GRID2: variants seen among roughly 807,000 people sequenced by gnomAD.
GRID2 encodes the protein glutamate ionotropic receptor delta type subunit 2, also known as glutamate receptor ionotropic, delta-2.
Under a neutral mutation model 114.8 loss-of-function variants are expected in GRID2, and 33 were observed. The ratio of observed to expected loss-of-function variants is 0.29; its 90% CI spans 0.22 to 0.38. GRID2 has a LOEUF of 0.38. GRID2 is among the 10% of genes least tolerant of loss of function. GRID2 has a pLI of 1.00. For missense variants in GRID2, 1,184 were observed against 1,257.7 expected (o/e 0.94, Z 0.89); for synonymous variants, 505 against 449.9 (o/e 1.12, Z -1.55).
At chr4:93,699,647 G>C (rs1172800530) in intron 14 of GRID2, among the ~76,000 whole-genome samples, 2 of 152,116 alleles carry the variant, frequency 1.3e-5, no homozygotes, top group Non-Finnish European at 2.9e-5. Flanking sequence ...TTATAGTTCT[G>C]TCTTCAGTTG....
intron 1 of GRID2, among the ~76,000 whole-genome samples, chr4:92,506,049 T>C (rs1443733008): frequency 2.0e-5 from 3 of 152,000 alleles, no homozygotes; most frequent in African/African-American, 7.2e-5. Flanking sequence ...TGAAAATGTA[T>C]ATATTGAATT....
At chr4:93,680,102 G>A in intron 14 of GRID2, among the ~76,000 whole-genome samples, 1 of 148,506 alleles carries the variant, frequency 6.7e-6, no homozygotes, top group East Asian at 1.9e-4. Flanking sequence ...GGATATCACT[G>A]CCAATCCCAC....
intron 2 of GRID2, among the ~76,000 whole-genome samples, chr4:92,704,052 A>T (rs938695396): frequency 6.6e-6 from 1 of 152,014 alleles, no homozygotes; most frequent in Non-Finnish European, 1.5e-5. Flanking sequence ...CAAGGCGGAT[A>T]GATCACGAGG....
intron 13 of GRID2, among the ~76,000 whole-genome samples, chr4:93,532,655 A>G (rs907472211): frequency 1.4e-4 from 21 of 152,164 alleles, no homozygotes; most frequent in African/African-American, 4.8e-4. Context: ...GCACCATGTT[A>G]ACACAAATAC....
chr4:93,018,401 AT>A (rs1285675897), intron 2 of GRID2, among the ~76,000 whole-genome samples: 1 of 152,134 alleles, frequency 6.6e-6, no homozygotes, highest in African/African-American at 2.4e-5. Flanking sequence ...ACTAGCTAAT[AT>A]CAGCTTGTTT....
intron 4 of GRID2, among the ~76,000 whole-genome samples, chr4:93,112,708 G>A (rs1162407397): frequency 6.6e-6 from 1 of 152,204 alleles, no homozygotes; most frequent in Non-Finnish European, 1.5e-5. Context: ...GCATCTCACA[G>A]TTCTGGAGGC....
chr4:92,863,075 C>G (rs1392445743), intron 2 of GRID2, among the ~76,000 whole-genome samples: 1 of 152,094 alleles, frequency 6.6e-6, no homozygotes, highest in East Asian at 1.9e-4. Context: ...AATAGTAAAT[C>G]TTAGAAACTG....
intron 1 of GRID2, among the ~76,000 whole-genome samples, chr4:92,438,829 C>T (rs1264258434): frequency 6.6e-6 from 1 of 152,112 alleles, no homozygotes; most frequent in Non-Finnish European, 1.5e-5. Context: ...ACCAATGTCC[C>T]CTGTGCATCT....
At chr4:92,708,883 G>A (rs940981585) in intron 2 of GRID2, among the ~76,000 whole-genome samples, 2 of 152,092 alleles carry the variant, frequency 1.3e-5, no homozygotes, top group African/African-American at 4.8e-5. Flanking sequence ...CACCATTGCA[G>A]TCTAGCCTCG....
intron 8 of GRID2, among the ~76,000 whole-genome samples, chr4:93,300,412 TA>T (rs1373358779): frequency 1.3e-5 from 2 of 152,198 alleles, no homozygotes; most frequent in East Asian, 3.9e-4. Flanking sequence ...TAAGTGAACT[TA>T]GCTTTTATTT....
At chr4:92,970,443 C>A (rs528124454) in intron 2 of GRID2, among the ~76,000 whole-genome samples, 1 of 151,928 alleles carries the variant, frequency 6.6e-6, no homozygotes, top group East Asian at 1.9e-4. Flanking sequence ...TTTGCGTCAA[C>A]CTAATAATAG....
chr4:92,735,827 A>AATAATCAATG (rs1408273475), intron 2 of GRID2, among the ~76,000 whole-genome samples: 2 of 152,102 alleles, frequency 1.3e-5, no homozygotes, highest in Non-Finnish European at 2.9e-5. Context: ...GTTCTCAACT[A>AATAATCAATG]ATAATCAATG....
intron 2 of GRID2, among the ~76,000 whole-genome samples, chr4:92,810,403 C>G (rs1195533356): frequency 3.9e-5 from 6 of 151,952 alleles, no homozygotes; most frequent in Non-Finnish European, 8.8e-5. Flanking sequence ...GACAGTTGCA[C>G]TAAAATCCTA....
chr4:92,981,679 T>G (rs950275912), intron 2 of GRID2, among the ~76,000 whole-genome samples: 11 of 151,952 alleles, frequency 7.2e-5, no homozygotes, highest in Admixed American at 7.2e-4. Flanking sequence ...TTGGTTGTAT[T>G]TATTATATAA....
chr4:92,314,485 A>G (rs895303257), intron 1 of GRID2, among the ~76,000 whole-genome samples: 4 of 152,084 alleles, frequency 2.6e-5, no homozygotes, highest in African/African-American at 9.7e-5. Context: ...TTTTTTAAAA[A>G]GTTTTTAATG....
intron 1 of GRID2, among the ~76,000 whole-genome samples, chr4:92,349,829 T>C (rs1472407416): frequency 6.6e-6 from 1 of 151,806 alleles, no homozygotes; most frequent in Non-Finnish European, 1.5e-5. Context: ...ACATGAAAAA[T>C]GAAATAGTTT....
chr4:93,453,335 AG>A, intron 10 of GRID2, among the ~76,000 whole-genome samples: 2 of 149,956 alleles, frequency 1.3e-5, no homozygotes, highest in Non-Finnish European at 3.0e-5. Context: ...AGAGAGAGAG[AG>A]AGAGAGAGAG....
At chr4:92,786,691 A>G (rs1484320684) in intron 2 of GRID2, among the ~76,000 whole-genome samples, 1 of 151,934 alleles carries the variant, frequency 6.6e-6, no homozygotes, top group Non-Finnish European at 1.5e-5. Flanking sequence ...TTAATTGGCA[A>G]AACAAAAAGA....
At chr4:92,971,701 A>G (rs1021244274) in intron 2 of GRID2, among the ~76,000 whole-genome samples, 1 of 151,856 alleles carries the variant, frequency 6.6e-6, no homozygotes, top group Non-Finnish European at 1.5e-5. Context: ...CACTCCTCCC[A>G]TTCTTCCCAG....
Sources: allele counts gnomAD v4.1 joint callset (sites outside exome capture counted in the v4.1 genomes callset), GRCh38; gene constraint gnomAD v4.1.1; transcripts MANE v1.5; gene names NCBI Gene and HGNC (gene_info 2026-07-23, HGNC 2026-07-21).